CHAMP1: variants seen among roughly 807,000 people sequenced by gnomAD.
The protein encoded by CHAMP1 is chromosome alignment maintaining phosphoprotein 1.
A neutral mutation model predicts 54.5 loss-of-function variants in CHAMP1; 4 were observed. That is an observed-to-expected ratio of 0.07 (90% CI 0.04 to 0.17). The LOEUF is 0.17. Ranked by LOEUF, CHAMP1 falls within the 10% of genes least tolerant of loss-of-function variation. The probability of loss-of-function intolerance (pLI) is 1.00; values close to 1 mark genes in which losing one functional copy is unlikely to be tolerated. For synonymous variants in CHAMP1, 368 were observed against 342.2 expected (o/e 1.08, Z -0.83); for missense variants, 994 against 968.6 (o/e 1.03, Z -0.35).
Position 114,326,328 on chromosome 13 carries a change from T to C in CHAMP1, c.*47T>C. On this transcript the variant is annotated 3_prime_UTR_variant, in exon 3 of 3. Coordinates refer to ENST00000361283, the MANE Select transcript of CHAMP1 (RefSeq NM_032436.4). ...TCTACAAAGGTGTTTGTTGGAACCA[T>C]TCTTTGTAAGTATAGCTTATCAGAT... 1 of 1,520,462 alleles carries C rather than the reference T, an allele frequency of 6.6e-7. No individual in the cohort carries two copies. The highest frequency in any genetic ancestry group is 8.8e-7 in the Non-Finnish European group (1 of 1,137,234). The allele number at this position is 1,520,462 out of a possible 1,614,324, so 94.2% of individuals were successfully genotyped here.
At position 114,325,670 on chromosome 13, in the gene CHAMP1, G is replaced by A; in HGVS notation, c.1828G>A (p.Asp610Asn). ...LLASPKKLLE[D>N]TLFPSSKKLK... is the part of the protein sequence containing the mutation. ...AGCTTCACCTAAGAAACTCTTAGAAGATACTTTATTTCCTTCCTCAAAGAA... is the reference window on the plus strand; with the variant it reads ...AGCTTCACCTAAGAAACTCTTAGAAAATACTTTATTTCCTTCCTCAAAGAA... Residue 610 changes from aspartate to asparagine, a missense_variant, in exon 3 of 3, where the codon GAT becomes AAT. Asp to Asn is a conservative substitution (Grantham distance 23). Around this residue, in one of 3 missense-constraint regions of CHAMP1, gnomAD observed 851 missense variants for 701.3 expected, o/e 1.21. Coordinates refer to ENST00000361283, the MANE Select transcript of CHAMP1 (RefSeq NM_032436.4). The A allele has an allele frequency of 6.2e-7, 1 of 1,613,978 alleles. No homozygotes were observed. The highest frequency in any genetic ancestry group is 1.7e-4 in the Middle Eastern group (1 of 6,060).
intron 2 of CHAMP1, chr13:114,321,965 TA>T (rs1347506777): frequency 9.3e-5 from 14 of 151,246 alleles, no homozygotes; most frequent in African/African-American, 2.4e-4. Context: ...ATACCTTGGA[TA>T]AAAGTGTTAG....
chr13:114,323,785 C>G lies in CHAMP1; in HGVS notation c.-55-3C>G. 1 of 1,514,644 alleles carries G rather than the reference C, an allele frequency of 6.6e-7. No homozygotes were observed. The highest frequency in any genetic ancestry group is 8.8e-7 in the Non-Finnish European group (1 of 1,130,374). The allele number at this position is 1,514,644 out of a possible 1,614,324, so 93.8% of individuals were successfully genotyped here. A position where few individuals can be genotyped will look rare whatever the true frequency, so the allele number is the denominator to read the frequency against. ...AAAATAATTTATTCCTACTTTATTG[C>G]AGCAGTATTGAAAGTTTTTAAAGAA... On this transcript the variant is annotated splice_region_variant and splice_polypyrimidine_tract_variant and intron_variant, in intron 2 of 2. Transcript: ENST00000361283.
In CHAMP1 at chr13:114,325,725, A is replaced by G; in HGVS notation, c.1883A>G (p.Asp628Gly). 1 of 1,614,144 alleles carries G rather than the reference A, an allele frequency of 6.2e-7. No individual in the cohort carries two copies. Among genetic ancestry groups the G allele is most frequent in the South Asian group, 1.1e-5 (1 of 91,070 alleles). ...AAGAAAGACAACCAAGAGAGCTCAG[A>G]CGCTGAGCTTAGTAGTAGTGAGTAC... is the stretch of plus-strand genomic sequence containing the variant. ...KLKKDNQESS[D>G]AELSSSEYIK... Residue 628 changes from aspartate to glycine, a missense_variant, in exon 3 of 3, where the codon GAC becomes GGC. Coordinates refer to ENST00000361283, the MANE Select transcript of CHAMP1 (RefSeq NM_032436.4).
At position 114,325,673 on chromosome 13, in the gene CHAMP1, A is replaced by G. The variant is rs562172879; in HGVS notation, c.1831A>G (p.Thr611Ala). The G allele has an allele frequency of 1.2e-6, 2 of 1,613,856 alleles. No homozygotes were observed. Among genetic ancestry groups the G allele is most frequent in the Non-Finnish European group, 8.5e-7 (1 of 1,179,940 alleles). ...TTCACCTAAGAAACTCTTAGAAGAT[A>G]CTTTATTTCCTTCCTCAAAGAAGCT... ...LASPKKLLED[T>A]LFPSSKKLKK... Residue 611 changes from threonine (T) to alanine (A), a missense_variant, in exon 3 of 3, where the codon ACT becomes GCT. Physicochemically the swap from Thr to Ala is moderately conservative, Grantham distance 58. This residue lies in a region of CHAMP1 where 851 missense variants were observed against 701.3 expected (regional missense o/e 1.21). Transcript: ENST00000361283.
intron 1 of CHAMP1, among the ~76,000 whole-genome samples, chr13:114,318,425 C>T (rs1460346379): frequency 1.3e-5 from 2 of 151,700 alleles, no homozygotes; most frequent in Admixed American, 6.6e-5. Context: ...CAGGCTCAGG[C>T]GATTTCTCTT....
At chr13:114,316,224 T>C (rs1311048015) in intron 1 of CHAMP1, among the ~76,000 whole-genome samples, 1 of 151,068 alleles carries the variant, frequency 6.6e-6, no homozygotes, top group African/African-American at 2.4e-5. Context: ...AGTGCAGTTA[T>C]GCGATCTTGG....
At chr13:114,319,966 T>C (rs781908894) in intron 1 of CHAMP1, among the ~76,000 whole-genome samples, 8 of 152,230 alleles carry the variant, frequency 5.3e-5, no homozygotes, top group Non-Finnish European at 8.8e-5. Flanking sequence ...TCAAATTGTA[T>C]ACTGTAGGTG....
chr13:114,318,897 AGTTT>A (rs2087135777), intron 1 of CHAMP1, among the ~76,000 whole-genome samples: 1 of 26,934 alleles, frequency 3.7e-5, no homozygotes, highest in Non-Finnish European at 6.6e-5. Context: ...AATGTTCCCT[AGTTT>A]GTTAGAGACT....
intron 2 of CHAMP1, among the ~76,000 whole-genome samples, chr13:114,321,871 A>G (rs2087176857): frequency 6.6e-6 from 1 of 152,162 alleles, no homozygotes; most frequent in Non-Finnish European, 1.5e-5. Flanking sequence ...GAAAGAGTAA[A>G]TAGTTTCCGA....
chr13:114,323,553 T>C lies in CHAMP1; in HGVS notation c.-55-235T>C, dbSNP rs114596472. The C allele has an allele frequency of 4.7e-3, 1,465 of 308,758 alleles. 18 individuals are homozygous for C. The highest frequency in any genetic ancestry group is 0.03 in the African/African-American group (1,370 of 46,386). The allele number at this position is 308,758 out of a possible 1,614,324, so 19.1% of individuals were successfully genotyped here. On this transcript the variant is annotated intron_variant, in intron 2 of 2. Coordinates refer to ENST00000361283, the MANE Select transcript of CHAMP1 (RefSeq NM_032436.4). Reference sequence around the variant, plus strand: ...CTGAACCTGTTTCTTCATCTGTAAGTGAAAATAATAGTTGAGTCATATCAT... The same window carrying C: ...CTGAACCTGTTTCTTCATCTGTAAGCGAAAATAATAGTTGAGTCATATCAT...
chr13:114,326,428 C>A lies in CHAMP1; in HGVS notation c.*147C>A. On this transcript the variant is annotated 3_prime_UTR_variant, in exon 3 of 3. Transcript: ENST00000361283. ...TCTCAGTTGTGTTACTAAGAATGAG[C>A]ATTTGATCATTTTTTTCTGGTCTCT... is the stretch of plus-strand genomic sequence containing the variant. 1.1e-6 allele frequency: 1 copy of A among 900,662 alleles called. No individual in the cohort carries two copies. The highest frequency in any genetic ancestry group is 1.6e-6 in the Non-Finnish European group (1 of 627,774). 55.8% of individuals were successfully genotyped at this position (900,662 alleles called of 1,614,324 possible).
chr13:114,320,699 G>C (rs2087155727), intron 1 of CHAMP1, among the ~76,000 whole-genome samples: 1 of 152,136 alleles, frequency 6.6e-6, no homozygotes, highest in Non-Finnish European at 1.5e-5. Flanking sequence ...GCTCACACCT[G>C]TAATCCCAGC....
intron 1 of CHAMP1, among the ~76,000 whole-genome samples, chr13:114,317,803 A>G (rs558284344): frequency 1.3e-5 from 2 of 152,284 alleles, no homozygotes; most frequent in Admixed American, 1.3e-4. Flanking sequence ...TGAATGGGAG[A>G]TGGGAAATAG....
In CHAMP1 at chr13:114,325,330, C is replaced by T. The variant is rs782248613; in HGVS notation, c.1488C>T (p.Thr496=). 3.1e-6 allele frequency: 5 copies of T among 1,614,102 alleles called. No homozygotes were observed. Among genetic ancestry groups the T allele is most frequent in the Non-Finnish European group, 3.4e-6 (4 of 1,180,034 alleles). Residue 496 remains threonine (T), a synonymous_variant, in exon 3 of 3, where the codon ACC becomes ACT. Transcript: ENST00000361283. ...CTCAGAAACCTGTCTTCCCTGAGACCCGAAAACCAGGTCCTTCTGGGCCAT... is the reference window on the plus strand; with the variant it reads ...CTCAGAAACCTGTCTTCCCTGAGACTCGAAAACCAGGTCCTTCTGGGCCAT... ...IEPQKPVFPE[T]RKPGPSGPSE...
chr13:114,320,967 A>AAAAAAAAAAAAAAAAAAT, intron 1 of CHAMP1, 143 bp from the exon 2 acceptor site: 1 of 152,108 alleles, frequency 6.6e-6, no homozygotes, highest in African/African-American at 2.4e-5. Flanking sequence ...AAAAAAAAAA[A>AAAAAAAAAAAAAAAAAAT]AGTAAGCAGG....
At chr13:114,323,197 T>C (rs534352923) in intron 2 of CHAMP1, 79 of 152,342 alleles carry the variant, frequency 5.2e-4, no homozygotes, top group African/African-American at 1.7e-3. Context: ...AAGTTATTTA[T>C]TTATTAAATG....
At chr13:114,320,205 G>A (rs2087150279) in intron 1 of CHAMP1, among the ~76,000 whole-genome samples, 1 of 152,134 alleles carries the variant, frequency 6.6e-6, no homozygotes. Flanking sequence ...GCTTGTGCAT[G>A]GCCAGTTTAT....
chr13:114,325,387 G>T lies in CHAMP1; in HGVS notation c.1545G>T (p.Trp515Cys). ...CCCCCAAAGCAGCCTCAGATATCTG[G>T]AAGCCTGTTCTCTCTATCGATACTG... The part of the protein sequence containing the change: ...SESPKAASDI[W>C]KPVLSIDTEP... Residue 515 changes from tryptophan to cysteine, a missense_variant, in exon 3 of 3, where the codon TGG (tryptophan) becomes TGT (cysteine). Trp to Cys is a radical substitution (Grantham distance 215, BLOSUM62 -2). Around this residue, in one of 3 missense-constraint regions of CHAMP1, gnomAD observed 851 missense variants for 701.3 expected, o/e 1.21. Coordinates refer to ENST00000361283, the MANE Select transcript of CHAMP1 (RefSeq NM_032436.4). The T allele has an allele frequency of 6.2e-7, 1 of 1,614,044 alleles. No individual in the cohort carries two copies. Among genetic ancestry groups the T allele is most frequent in the Non-Finnish European group, 8.5e-7 (1 of 1,180,000 alleles).
Sources: allele counts gnomAD v4.1 joint callset (sites outside exome capture counted in the v4.1 genomes callset), GRCh38; gene constraint gnomAD v4.1.1; regional missense constraint gnomAD v4.1.1; transcripts MANE v1.5; gene names NCBI Gene and HGNC (gene_info 2026-07-23, HGNC 2026-07-21).